CKMT2: variants seen among roughly 807,000 people sequenced by gnomAD.
CKMT2 encodes creatine kinase, mitochondrial 2, also known as creatine kinase S-type, mitochondrial.
Under a neutral mutation model 48.9 loss-of-function variants are expected in CKMT2, and 43 were observed. The ratio of observed to expected loss-of-function variants is 0.88; its 90% CI spans 0.69 to 1.13. The LOEUF is 1.13. Among genes scored for constraint, CKMT2 ranks in the 50% most tolerant of loss-of-function variants. The pLI is 0.00. For missense variants in CKMT2, 472 were observed against 555.4 expected (o/e 0.85, Z 1.51); for synonymous variants, 206 against 213.0 (o/e 0.97, Z 0.29).
intron 1 of CKMT2, chr5:81,237,480 A>G (rs1020523320): frequency 2.0e-5 from 3 of 151,828 alleles, no homozygotes; most frequent in Admixed American, 6.6e-5. Context: ...TTCTCATTAT[A>G]CATGTGAGGG....
At chr5:81,254,254 T>C in intron 3 of CKMT2, 142 bp from the exon 4 acceptor site, 1 of 627,360 alleles carries the variant, frequency 1.6e-6, no homozygotes, top group South Asian at 1.9e-5. Flanking sequence ...CTCACATCCA[T>C]TTCCTATATG....
intron 9 of CKMT2, 103 bp downstream of exon 9, chr5:81,263,719 C>A: frequency 9.2e-7 from 1 of 1,081,602 alleles, no homozygotes; most frequent in South Asian, 1.8e-5. Context: ...TCGAGACCTC[C>A]TCTTCGCCCA....
chr5:81,246,507 G>A (rs1756616321), intron 1 of CKMT2, among the ~76,000 whole-genome samples: 2 of 152,110 alleles, frequency 1.3e-5, no homozygotes, highest in African/African-American at 2.4e-5. Context: ...CACCTACGAT[G>A]ATTTTGTTTT....
intron 2 of CKMT2, 80 bp from the exon 3 acceptor site, chr5:81,252,615 G>A (rs1756857203): frequency 6.9e-7 from 1 of 1,448,706 alleles, no homozygotes; most frequent in African/African-American, 1.4e-5. Context: ...CTAGTGGAAG[G>A]ATGGGCAAAC....
chr5:81,254,956 G>A (rs1214865898), intron 4 of CKMT2, 37 bp from the exon 5 acceptor site: 25 of 1,567,716 alleles, frequency 1.6e-5, no homozygotes, highest in Admixed American at 5.0e-5. Context: ...ACCATGGTCC[G>A]AGGCTGGCCA....
At chr5:81,238,978 C>T (rs1035827605) in intron 1 of CKMT2, 2 of 152,254 alleles carry the variant, frequency 1.3e-5, no homozygotes, top group African/African-American at 4.8e-5. Context: ...GATTCTCTAA[C>T]GTTTGTTGAG....
chr5:81,264,934 G>C (rs183619958), intron 9 of CKMT2, among the ~76,000 whole-genome samples: 4 of 151,960 alleles, frequency 2.6e-5, no homozygotes, highest in African/African-American at 9.6e-5. Flanking sequence ...TTTTTCCAAT[G>C]CATTATATCA....
At chr5:81,241,812 T>C (rs1358254427) in intron 1 of CKMT2, among the ~76,000 whole-genome samples, 2 of 152,252 alleles carry the variant, frequency 1.3e-5, no homozygotes, top group Non-Finnish European at 2.9e-5. Context: ...GTTTAATGTT[T>C]ATTCAATAAT....
At position 81,255,115 on chromosome 5, in the gene CKMT2, C is replaced by T. The variant is rs183430744; in HGVS notation, c.570C>T (p.Asn190=). The part of the protein sequence containing the change: ...CTRAERREVE[N]VAITALEGLK... ...GGGCCGAGCGAAGGGAGGTAGAGAA[C>T]GTGGCCATCACTGCCCTGGAGGGCC... Residue 190 remains asparagine, a synonymous_variant, in exon 5 of 10, where the codon AAC becomes AAT. Transcript: ENST00000254035. 26 of 1,614,094 alleles carry T rather than the reference C, an allele frequency of 1.6e-5. No individual in the cohort carries two copies. The highest frequency in any genetic ancestry group is 1.3e-4 in the African/African-American group (10 of 75,050).
At chr5:81,259,514 G>A (rs1757134962) in intron 8 of CKMT2, 1 of 295,204 alleles carries the variant, frequency 3.4e-6, no homozygotes, top group Admixed American at 5.0e-5. Flanking sequence ...AGGATAGGTA[G>A]GCTCTGCTCT....
At chr5:81,261,332 T>TA (rs1757216143) in intron 8 of CKMT2, among the ~76,000 whole-genome samples, 1 of 152,134 alleles carries the variant, frequency 6.6e-6, no homozygotes, top group African/African-American at 2.4e-5. Flanking sequence ...CTATTCAACA[T>TA]AGTGTTGGAA....
At chr5:81,265,278 T>C (rs1250493005) in intron 9 of CKMT2, among the ~76,000 whole-genome samples, 2 of 152,188 alleles carry the variant, frequency 1.3e-5, no homozygotes, top group Non-Finnish European at 2.9e-5. Context: ...TTTTAGTTAG[T>C]AGTGACTAAC....
intron 1 of CKMT2, among the ~76,000 whole-genome samples, chr5:81,236,567 A>G (rs1236753005): frequency 2.0e-5 from 3 of 152,224 alleles, no homozygotes; most frequent in Non-Finnish European, 2.9e-5. Context: ...ATGCTCAAAA[A>G]GAAGACAGAA....
chr5:81,253,765 T>C (rs937949526), intron 3 of CKMT2, among the ~76,000 whole-genome samples: 2 of 152,244 alleles, frequency 1.3e-5, no homozygotes, highest in Non-Finnish European at 2.9e-5. Context: ...TGCAGGGTGC[T>C]TTGTTACAAC....
rs545445835 is a variant in CKMT2 at position 81,236,340 on chromosome 5, C to T, written c.-21+2963C>T. 2.0e-4 allele frequency among the ~76,000 whole-genome samples: 30 copies of T among 152,178 alleles called. No individual in the cohort carries two copies. The South Asian group carries it at 4.1e-3, about 21-fold the overall frequency. On this transcript the variant is annotated intron_variant, in intron 1 of 9. Transcript: ENST00000254035. Reference sequence around the variant, plus strand: ...GTGAAGGGCTGTATGTGAGGTGCTGCGGTCTGCAAGGAAGCTGAATCCAGT... The same window carrying T: ...GTGAAGGGCTGTATGTGAGGTGCTGTGGTCTGCAAGGAAGCTGAATCCAGT...
intron 1 of CKMT2, among the ~76,000 whole-genome samples, chr5:81,239,575 C>T (rs1245983472): frequency 3.9e-5 from 6 of 152,142 alleles, no homozygotes; most frequent in African/African-American, 2.4e-5. Flanking sequence ...CGTTTCCACT[C>T]GAATCCTTTG....
chr5:81,264,680 A>C (rs576496561), intron 9 of CKMT2, among the ~76,000 whole-genome samples: 14 of 152,318 alleles, frequency 9.2e-5, no homozygotes, highest in African/African-American at 3.4e-4. Context: ...GATATTTATT[A>C]CTGGAAAACA....
At chr5:81,242,104 C>T (rs536757230) in intron 1 of CKMT2, among the ~76,000 whole-genome samples, 2 of 152,174 alleles carry the variant, frequency 1.3e-5, no homozygotes, top group Non-Finnish European at 2.9e-5. Context: ...AGGGTTCAGA[C>T]AGCCTGTCAT....
chr5:81,243,992 C>T, intron 1 of CKMT2: 1 of 978,222 alleles, frequency 1.0e-6, no homozygotes, highest in Non-Finnish European at 1.2e-6. Context: ...CATGCCCAGT[C>T]CCTAATATGA....
Sources: gnomAD v4.1 joint callset for allele counts (sites outside exome capture counted in the v4.1 genomes callset) on GRCh38, gnomAD v4.1.1 for gene constraint, MANE v1.5 for transcripts, NCBI Gene and HGNC (gene_info 2026-07-23, HGNC 2026-07-21) for gene names.